CNBD1: variants seen among roughly 807,000 people sequenced by gnomAD.
CNBD1 encodes the protein cyclic nucleotide binding domain containing 1, also known as cyclic nucleotide-binding domain-containing protein 1.
A neutral mutation model predicts 54.4 loss-of-function variants in CNBD1; 71 were observed. That is an observed-to-expected ratio of 1.30 (90% CI 1.08 to 1.59). The LOEUF (loss-of-function observed/expected upper bound fraction) is 1.59, where lower values mean the gene tolerates loss of function less well. CNBD1 is among the 40% of genes most tolerant of loss of function. CNBD1 has a pLI of 0.00. For synonymous variants in CNBD1, 182 were observed against 170.7 expected (o/e 1.07, Z -0.51); for missense variants, 659 against 518.0 (o/e 1.27, Z -2.64).
chr8:86,940,280 C>T (rs1219954045), intron 4 of CNBD1, among the ~76,000 whole-genome samples: 1 of 151,932 alleles, frequency 6.6e-6, no homozygotes, highest in African/African-American at 2.4e-5. Context: ...GATTCTCCTG[C>T]CTCAGCCCCC....
intron 10 of CNBD1, among the ~76,000 whole-genome samples, chr8:87,366,468 T>A (rs558063727): frequency 1.3e-5 from 2 of 152,232 alleles, no homozygotes; most frequent in East Asian, 3.9e-4. Context: ...TCGTTTTGAA[T>A]CTTTCTCTTC....
chr8:87,314,454 A>T (rs1239001946), intron 8 of CNBD1, among the ~76,000 whole-genome samples: 2 of 151,956 alleles, frequency 1.3e-5, no homozygotes, highest in African/African-American at 4.8e-5. Context: ...ATAAGAATAG[A>T]TGAAAACTTT....
intron 3 of CNBD1, among the ~76,000 whole-genome samples, chr8:86,933,856 A>C (rs933411419): frequency 6.6e-6 from 1 of 152,148 alleles, no homozygotes; most frequent in African/African-American, 2.4e-5. Context: ...TACTAGTTCT[A>C]TAGTGTAACA....
At chr8:87,332,926 G>A (rs180992345) in intron 8 of CNBD1, among the ~76,000 whole-genome samples, 1 of 151,726 alleles carries the variant, frequency 6.6e-6, no homozygotes, top group Non-Finnish European at 1.5e-5. Context: ...ATGGTAGTTT[G>A]ATGGGAATAA....
At chr8:87,100,517 T>C (rs1811409512) in intron 4 of CNBD1, among the ~76,000 whole-genome samples, 1 of 152,118 alleles carries the variant, frequency 6.6e-6, no homozygotes, top group Non-Finnish European at 1.5e-5. Flanking sequence ...CACACTCCAT[T>C]GCCGGGGCTG....
At chr8:87,120,659 G>A (rs1416427497) in intron 4 of CNBD1, among the ~76,000 whole-genome samples, 1 of 151,684 alleles carries the variant, frequency 6.6e-6, no homozygotes, top group Non-Finnish European at 1.5e-5. Flanking sequence ...TTGTTCGTTT[G>A]CCCCAATCTT....
At chr8:87,020,658 CATT>C (rs1369191925) in intron 4 of CNBD1, among the ~76,000 whole-genome samples, 1 of 127,470 alleles carries the variant, frequency 7.8e-6, no homozygotes, top group African/African-American at 3.2e-5. Context: ...TCTGGCATAA[CATT>C]ATGAGACAGG....
intron 4 of CNBD1, among the ~76,000 whole-genome samples, chr8:87,061,583 G>C (rs79262308): frequency 0.034 from 5,178 of 152,236 alleles, 143 homozygotes; most frequent in Middle Eastern, 0.051. Flanking sequence ...TATTTTGGTT[G>C]AGTTCACCAT....
intron 2 of CNBD1, among the ~76,000 whole-genome samples, chr8:87,396,296 G>A (rs1344983626): frequency 6.6e-6 from 1 of 151,852 alleles, no homozygotes; most frequent in Non-Finnish European, 1.5e-5. Context: ...TGCAGTTATA[G>A]CAATTAACTT....
chr8:87,355,870 T>G (rs1328503735), intron 10 of CNBD1, among the ~76,000 whole-genome samples: 1 of 152,100 alleles, frequency 6.6e-6, no homozygotes, highest in East Asian at 1.9e-4. Flanking sequence ...AATGGGAGGT[T>G]TTTGGGTCAA....
intron 4 of CNBD1, among the ~76,000 whole-genome samples, chr8:87,079,423 A>G (rs1810942056): frequency 6.6e-6 from 1 of 152,136 alleles, no homozygotes; most frequent in African/African-American, 2.4e-5. Flanking sequence ...GTACCATTTT[A>G]CATTTCCATT....
intron 3 of CNBD1, among the ~76,000 whole-genome samples, chr8:86,938,165 A>C (rs1315173516): frequency 6.6e-6 from 1 of 152,212 alleles, no homozygotes; most frequent in Non-Finnish European, 1.5e-5. Flanking sequence ...AAACATAGCA[A>C]GAGTCACCTT....
chr8:87,355,433 G>C (rs750433428), intron 10 of CNBD1, among the ~76,000 whole-genome samples: 15 of 152,010 alleles, frequency 9.9e-5, no homozygotes, highest in Non-Finnish European at 1.6e-4. Context: ...ATCTAAGGCT[G>C]GTAGTATATA....
At chr8:87,077,044 TTA>T in intron 4 of CNBD1, among the ~76,000 whole-genome samples, 1 of 152,292 alleles carries the variant, frequency 6.6e-6, no homozygotes, top group East Asian at 1.9e-4. Context: ...AAATCAGAGT[TTA>T]TTGCTTACCA....
Position 87,317,483 on chromosome 8 carries a change from T to C in CNBD1, c.1042+30812T>C, listed in dbSNP as rs182657366. ...TTTTCAAGTAAATTTTTAAATTTTA[T>C]TGTTATTTGAAAATATTTAGTTACC... On this transcript the variant is annotated intron_variant, in intron 8 of 10. Transcript: ENST00000518476. Among the ~76,000 whole-genome samples, 661 of 151,900 alleles carry C rather than the reference T, an allele frequency of 4.4e-3. 4 individuals are homozygous for C. The highest frequency in any genetic ancestry group is 3.7e-3 in the Non-Finnish European group (252 of 67,834).
intron 2 of CNBD1, among the ~76,000 whole-genome samples, chr8:87,408,965 A>G (rs770031625): frequency 1.3e-5 from 2 of 152,146 alleles, no homozygotes; most frequent in African/African-American, 4.8e-5. Flanking sequence ...CGTGTTCCCT[A>G]AGGCCCGACA....
chr8:87,391,509 A>G (rs1311525011), intron 2 of CNBD1, among the ~76,000 whole-genome samples: 2 of 152,142 alleles, frequency 1.3e-5, no homozygotes, highest in African/African-American at 4.8e-5. Context: ...ATGTGTAACA[A>G]TGGAATATAA....
intron 4 of CNBD1, among the ~76,000 whole-genome samples, chr8:87,149,664 A>T (rs1812562131): frequency 6.6e-6 from 1 of 152,182 alleles, no homozygotes. Flanking sequence ...GATCTAAGGT[A>T]GGGAGTTCAT....
intron 10 of CNBD1, among the ~76,000 whole-genome samples, chr8:87,379,999 A>T (rs1811041492): frequency 6.6e-6 from 1 of 151,892 alleles, no homozygotes; most frequent in South Asian, 2.1e-4. Flanking sequence ...AATTTCAGAC[A>T]TCATCCACTG....
Sources: gnomAD v4.1 joint callset for allele counts (sites outside exome capture counted in the v4.1 genomes callset) on GRCh38, gnomAD v4.1.1 for gene constraint, MANE v1.5 for transcripts, NCBI Gene and HGNC (gene_info 2026-07-23, HGNC 2026-07-21) for gene names.